Variants in KCNT2 observed in about 807,000 individuals in gnomAD.
The protein encoded by KCNT2 is potassium sodium-activated channel subfamily T member 2.
Under a neutral mutation model 153.8 loss-of-function variants are expected in KCNT2, and 67 were observed. The observed-to-expected ratio is 0.44, with a 90% confidence interval of 0.36 to 0.53. The LOEUF is 0.53. Ranked by LOEUF, KCNT2 falls within the 20% of genes least tolerant of loss-of-function variation. The pLI is 0.00. For missense variants in KCNT2, 975 were observed against 1,354.8 expected, an observed-to-expected ratio of 0.72 and a Z score of 4.40; for synonymous variants, 500 against 458.8, an observed-to-expected ratio of 1.09 and a Z score of -1.15.
chr1:196,412,623 C>G (rs1672430745), intron 12 of KCNT2, among the ~76,000 whole-genome samples: 1 of 151,456 alleles, frequency 6.6e-6, no homozygotes, highest in African/African-American at 2.4e-5. Context: ...CTACAAATAA[C>G]AGTTAGCAGC....
chr1:196,479,868 A>G (rs561593960), intron 4 of KCNT2, among the ~76,000 whole-genome samples: 11 of 152,244 alleles, frequency 7.2e-5, no homozygotes, highest in Non-Finnish European at 1.6e-4. Flanking sequence ...TAGTATATTC[A>G]ATCTTATCAC....
chr1:196,338,365 T>C (rs1456712573), intron 16 of KCNT2, among the ~76,000 whole-genome samples: 2 of 152,002 alleles, frequency 1.3e-5, no homozygotes, highest in Non-Finnish European at 2.9e-5. Flanking sequence ...TCAGAAAATA[T>C]CACTAATAAA....
intron 8 of KCNT2, among the ~76,000 whole-genome samples, chr1:196,432,071 T>C (rs1396187452): frequency 6.6e-6 from 1 of 152,058 alleles, no homozygotes; most frequent in African/African-American, 2.4e-5. Context: ...GTCAGCTTTC[T>C]TCATTCTGGT....
chr1:196,602,091 G>A (rs1051012688), intron 1 of KCNT2, among the ~76,000 whole-genome samples: 2 of 151,876 alleles, frequency 1.3e-5, no homozygotes, highest in African/African-American at 4.8e-5. Context: ...TGTCTTTCTG[G>A]ATAATTATTT....
intron 1 of KCNT2, among the ~76,000 whole-genome samples, chr1:196,598,913 A>G (rs1269588982): frequency 6.6e-6 from 1 of 152,210 alleles, no homozygotes; most frequent in African/African-American, 2.4e-5. Context: ...TATATTCAAT[A>G]TTATCATACA....
chr1:196,575,799 G>A (rs1661289491), intron 1 of KCNT2, among the ~76,000 whole-genome samples: 1 of 151,630 alleles, frequency 6.6e-6, no homozygotes, highest in African/African-American at 2.4e-5. Context: ...CCAACATGGT[G>A]AAACCCGGTC....
intron 1 of KCNT2, among the ~76,000 whole-genome samples, chr1:196,528,497 C>T (rs530670972): frequency 6.6e-6 from 1 of 152,116 alleles, no homozygotes; most frequent in South Asian, 2.1e-4. Flanking sequence ...TCTTATTTTC[C>T]GATGATATCT....
In KCNT2 at chr1:196,601,276, G is replaced by A. The variant is rs904160026; in HGVS notation, c.95+6939C>T. Reference sequence around the variant, plus strand: ...CCCCAGACCACTATTTCATCTGCCAGACTAGGCTCATCTTCAATCATGCTC... The same window carrying A: ...CCCCAGACCACTATTTCATCTGCCAAACTAGGCTCATCTTCAATCATGCTC... On this transcript the variant is annotated intron_variant, in intron 1 of 27. Coordinates refer to ENST00000294725, the MANE Select transcript of KCNT2 (RefSeq NM_198503.5). 5.9e-5 allele frequency among the ~76,000 whole-genome samples: 9 copies of A among 152,278 alleles called. No homozygotes were observed. The East Asian group carries it at 1.7e-3, about 29-fold the overall frequency.
intron 26 of KCNT2, among the ~76,000 whole-genome samples, chr1:196,242,074 A>G (rs1421097854): frequency 2.5e-4 from 38 of 152,070 alleles, no homozygotes; most frequent in Admixed American, 2.4e-3. Context: ...CCCTACCACA[A>G]TCTTCAAGGC....
At chr1:196,333,230 G>T (rs1490122474) in intron 17 of KCNT2, among the ~76,000 whole-genome samples, 1 of 151,734 alleles carries the variant, frequency 6.6e-6, no homozygotes, top group African/African-American at 2.4e-5. Flanking sequence ...CCTGAAGAAT[G>T]ACAATTTAAT....
chr1:196,425,301 G>A (rs1673559618), intron 11 of KCNT2, among the ~76,000 whole-genome samples: 3 of 152,066 alleles, frequency 2.0e-5, no homozygotes, highest in Admixed American at 2.0e-4. Flanking sequence ...AAAGAAGAGG[G>A]TAGCTGAGGG....
chr1:196,416,182 A>G (rs574434981), intron 12 of KCNT2, among the ~76,000 whole-genome samples: 1 of 152,022 alleles, frequency 6.6e-6, no homozygotes, highest in East Asian at 2.0e-4. Context: ...CTCTTGAAGT[A>G]TTGCAGTGCT....
At chr1:196,318,624 A>G (rs1405748871) in intron 20 of KCNT2, among the ~76,000 whole-genome samples, 2 of 151,836 alleles carry the variant, frequency 1.3e-5, no homozygotes, top group Non-Finnish European at 2.9e-5. Context: ...ATTTTAGTAC[A>G]TCTAACTACA....
At chr1:196,480,025 T>C (rs1180582624) in intron 4 of KCNT2, among the ~76,000 whole-genome samples, 1 of 152,250 alleles carries the variant, frequency 6.6e-6, no homozygotes, top group Non-Finnish European at 1.5e-5. Context: ...ACTATCTTCC[T>C]ACGTATCCTT....
intron 13 of KCNT2, among the ~76,000 whole-genome samples, chr1:196,385,210 T>G (rs1032777440): frequency 6.6e-6 from 1 of 152,112 alleles, no homozygotes; most frequent in Non-Finnish European, 1.5e-5. Context: ...ACACAACTCT[T>G]CAATATGATA....
chr1:196,368,985 C>G (rs1668274027), intron 14 of KCNT2, among the ~76,000 whole-genome samples: 1 of 152,096 alleles, frequency 6.6e-6, no homozygotes. Context: ...CCCCCTCTCT[C>G]TTTTCTACAC....
At chr1:196,483,140 G>C (rs1303486396) in intron 3 of KCNT2, among the ~76,000 whole-genome samples, 1 of 152,142 alleles carries the variant, frequency 6.6e-6, no homozygotes, top group Non-Finnish European at 1.5e-5. Context: ...GTGAATGGTA[G>C]TTTTTCGCAT....
intron 8 of KCNT2, among the ~76,000 whole-genome samples, chr1:196,454,738 C>A (rs1456418660): frequency 6.6e-6 from 1 of 151,862 alleles, no homozygotes; most frequent in Admixed American, 6.6e-5. Flanking sequence ...AAAAAAATTA[C>A]CACAAACAGC....
chr1:196,350,137 A>G (rs1308349457), intron 14 of KCNT2, among the ~76,000 whole-genome samples: 4 of 152,008 alleles, frequency 2.6e-5, no homozygotes, highest in African/African-American at 9.7e-5. Context: ...TCCAAGTCTT[A>G]GTTATTGTGA....
Sources: gnomAD v4.1 joint callset for allele counts (sites outside exome capture counted in the v4.1 genomes callset) on GRCh38, gnomAD v4.1.1 for gene constraint, MANE v1.5 for transcripts, NCBI Gene and HGNC (gene_info 2026-07-23, HGNC 2026-07-21) for gene names.